DOCK1: variants seen among roughly 807,000 people sequenced by gnomAD.
DOCK1 encodes dedicator of cytokinesis 1.
In DOCK1, 138 loss-of-function variants were observed where a neutral mutation model predicts 262.7. The ratio of observed to expected loss-of-function variants is 0.53; its 90% confidence interval spans 0.46 to 0.61. The LOEUF (loss-of-function observed/expected upper bound fraction) is 0.61. DOCK1 is among the 20% of genes least tolerant of loss of function. The probability of loss-of-function intolerance (pLI) is 0.00; values close to 1 mark genes in which losing one functional copy is unlikely to be tolerated. For missense variants in DOCK1, 1,908 were observed against 2,370.7 expected, an observed-to-expected ratio of 0.80 and a Z score of 4.05; for synonymous variants, 866 against 867.4, an observed-to-expected ratio of 1.00 and a Z score of 0.03.
At chr10:127,321,365 A>ATTTTTTTTTTT (rs113267450) in intron 29 of DOCK1, among the ~76,000 whole-genome samples, 1 of 127,198 alleles carries the variant, frequency 7.9e-6, no homozygotes, top group Non-Finnish European at 1.6e-5. Context: ...TCTCTAGCTC[A>ATTTTTTTTTTT]TTTTTTTTTT....
At chr10:127,044,049 T>G (rs984397244) in intron 21 of DOCK1, among the ~76,000 whole-genome samples, 1 of 152,236 alleles carries the variant, frequency 6.6e-6, no homozygotes, top group Non-Finnish European at 1.5e-5. Flanking sequence ...TTATTCAGAC[T>G]TTTTATTGTG....
chr10:127,246,514 T>A (rs1212886546), intron 27 of DOCK1, among the ~76,000 whole-genome samples: 6 of 152,218 alleles, frequency 3.9e-5, no homozygotes. Context: ...ATTTTGCCAT[T>A]TTACTAATCA....
At chr10:127,137,800 T>G (rs1475634621) in intron 27 of DOCK1, 4 of 1,581,338 alleles carry the variant, frequency 2.5e-6, no homozygotes, top group Non-Finnish European at 3.4e-6. Context: ...TCCAGTGGGT[T>G]CTAAAGACGG....
chr10:126,953,253 T>C (rs2036467601), intron 1 of DOCK1, among the ~76,000 whole-genome samples: 1 of 150,680 alleles, frequency 6.6e-6, no homozygotes, highest in East Asian at 2.0e-4. Flanking sequence ...AGTGGTGGTA[T>C]TGGTGATGGT....
chr10:127,371,323 T>TA (rs1309886194), intron 33 of DOCK1, among the ~76,000 whole-genome samples: 8 of 152,344 alleles, frequency 5.3e-5, no homozygotes, highest in African/African-American at 1.9e-4. Flanking sequence ...CTAGGGTTAG[T>TA]AAAATTAGAA....
At chr10:127,030,591 A>G (rs1295460225) in intron 16 of DOCK1, among the ~76,000 whole-genome samples, 3 of 152,172 alleles carry the variant, frequency 2.0e-5, no homozygotes, top group Non-Finnish European at 1.5e-5. Flanking sequence ...TTTGTTTTCT[A>G]TATCATCTGA....
rs1689487582 is a variant in DOCK1, at chr10:127,042,841, G to C, written c.2100+127G>C. On this transcript the variant is annotated intron_variant, in intron 20 of 51. Transcript: ENST00000623213. ...GCATTTTCAGTTGTAAATCCAATCA[G>C]AGATGAATTGGGGTGGCAGATTTTT... 5 of 1,033,780 alleles carry C rather than the reference G, an allele frequency of 4.8e-6. No homozygotes were observed. In the South Asian group the frequency reaches 7.6e-5, roughly 16 times the overall value. The allele number at this position is 1,033,780 out of a possible 1,614,324, so 64.0% of individuals were successfully genotyped here.
intron 27 of DOCK1, among the ~76,000 whole-genome samples, chr10:127,150,496 G>A (rs981421805): frequency 1.3e-5 from 2 of 152,162 alleles, no homozygotes; most frequent in Non-Finnish European, 2.9e-5. Context: ...ATATGGCCCT[G>A]TCCTTTCACG....
At chr10:127,394,603 C>G (rs76283641) in intron 38 of DOCK1, among the ~76,000 whole-genome samples, 4,033 of 152,242 alleles carry the variant, frequency 0.026, 179 homozygotes, top group African/African-American at 0.092. Context: ...ATTAGCAGAA[C>G]CTATTCAGCC....
intron 37 of DOCK1, among the ~76,000 whole-genome samples, chr10:127,381,644 G>C (rs946940625): frequency 2.6e-5 from 4 of 152,204 alleles, no homozygotes; most frequent in African/African-American, 9.7e-5. Flanking sequence ...GCAAGTTAGA[G>C]ATTCTACAAT....
At chr10:127,398,803 C>T (rs191865906) in intron 38 of DOCK1, among the ~76,000 whole-genome samples, 41 of 152,258 alleles carry the variant, frequency 2.7e-4, no homozygotes, top group African/African-American at 7.7e-4. Context: ...ATGGCTGTCC[C>T]GGCTGGCATC....
At chr10:127,316,524 T>C (rs1442688430) in intron 29 of DOCK1, among the ~76,000 whole-genome samples, 1 of 152,234 alleles carries the variant, frequency 6.6e-6, no homozygotes, top group Non-Finnish European at 1.5e-5. Context: ...CTGAATCGAC[T>C]ACTAAAAACA....
At chr10:127,343,582 G>A (rs1590589831) in intron 30 of DOCK1, 64 bp from the exon 31 acceptor site, 2 of 1,243,012 alleles carry the variant, frequency 1.6e-6, no homozygotes, top group East Asian at 2.5e-5. Flanking sequence ...ATGTCTGAGA[G>A]CATTGTTGAG....
chr10:127,261,247 ATG>A (rs1299305759), intron 29 of DOCK1, among the ~76,000 whole-genome samples: 1 of 78,012 alleles, frequency 1.3e-5, no homozygotes, highest in Non-Finnish European at 2.5e-5. Context: ...GTGTACCTGC[ATG>A]TGTGTGCATG....
At chr10:127,125,946 T>C (rs762104389) in intron 26 of DOCK1, among the ~76,000 whole-genome samples, 7 of 152,126 alleles carry the variant, frequency 4.6e-5, no homozygotes, top group Non-Finnish European at 1.0e-4. Flanking sequence ...ATTAAAGTAA[T>C]ACATGCACAA....
chr10:126,922,209 CAA>C (rs1213635501), intron 1 of DOCK1, among the ~76,000 whole-genome samples: 16,091 of 63,066 alleles, frequency 0.26, 800 homozygotes, highest in East Asian at 0.37. Context: ...GACCCTGTAT[CAA>C]AAAAAAAAAA....
chr10:127,020,422 G>A (rs1195725966), intron 13 of DOCK1, among the ~76,000 whole-genome samples: 1 of 152,066 alleles, frequency 6.6e-6, no homozygotes, highest in Non-Finnish European at 1.5e-5. Flanking sequence ...CCGGCGTGGT[G>A]GTGAGTGCCA....
chr10:126,973,726 A>C (rs960549966), intron 2 of DOCK1, among the ~76,000 whole-genome samples: 5 of 152,216 alleles, frequency 3.3e-5, no homozygotes, highest in Admixed American at 2.0e-4. Context: ...TTGTCATTAA[A>C]TAAAAAGAGA....
At chr10:127,102,810 A>C (rs1022546768) in intron 23 of DOCK1, among the ~76,000 whole-genome samples, 1 of 152,222 alleles carries the variant, frequency 6.6e-6, no homozygotes, top group African/African-American at 2.4e-5. Context: ...ACTGCACTCC[A>C]GCCCAGGCGG....
Sources: allele counts gnomAD v4.1 joint callset (sites outside exome capture counted in the v4.1 genomes callset), GRCh38; gene constraint gnomAD v4.1.1; transcripts MANE v1.5; gene names NCBI Gene and HGNC (gene_info 2026-07-23, HGNC 2026-07-21).